Variants in CAGE1 observed in about 807,000 individuals in gnomAD.
CAGE1 encodes cancer antigen 1.
In CAGE1, 66 loss-of-function variants were observed where a neutral mutation model predicts 94.9. The observed-to-expected ratio is 0.70, with a 90% CI of 0.57 to 0.85. The LOEUF is 0.85. Ranked by LOEUF, CAGE1 falls within the 40% of genes least tolerant of loss-of-function variation. CAGE1 has a pLI of 0.00. For missense variants in CAGE1, 865 were observed against 950.4 expected (o/e 0.91, Z 1.18); for synonymous variants, 319 against 321.0 (o/e 0.99, Z 0.07).
At chr6:7,350,415 C>T (rs1217903641) in intron 11 of CAGE1, among the ~76,000 whole-genome samples, 1 of 152,132 alleles carries the variant, frequency 6.6e-6, no homozygotes, top group Non-Finnish European at 1.5e-5. Context: ...ATGGACTTAA[C>T]AGATATATAC....
intron 9 of CAGE1, among the ~76,000 whole-genome samples, chr6:7,364,074 G>A (rs1205384051): frequency 6.6e-6 from 1 of 152,124 alleles, no homozygotes; most frequent in African/African-American, 2.4e-5. Context: ...CCCACTGCTG[G>A]GAACACTACT....
At position 7,378,674 on chromosome 6, in the gene CAGE1, T is replaced by G. The variant is rs1760833986; in HGVS notation, c.630A>C (p.Lys210Asn). 1 of 1,612,516 alleles carries G rather than the reference T, an allele frequency of 6.2e-7. No individual in the cohort carries two copies. Among genetic ancestry groups the G allele is most frequent in the South Asian group, 1.1e-5 (1 of 90,516 alleles). ...MLKFTEKSLA[K>N]SIAKESALNP... ...TGAGGGCAGATTCCTTGGCAATACT[T>G]TTAGCCAGTGACTTTTCTGTAAATT... The change falls in exon 4 of 14, where the codon AAA becomes AAC. Residue 210 changes from lysine to asparagine, a missense_variant. Transcript: ENST00000502583.
At chr6:7,386,126 T>C (rs1761112722) in intron 2 of CAGE1, among the ~76,000 whole-genome samples, 1 of 152,214 alleles carries the variant, frequency 6.6e-6, no homozygotes, top group Admixed American at 6.5e-5. Context: ...AGTCAAATCA[T>C]GTGACTATAA....
intron 12 of CAGE1, chr6:7,331,417 T>G: frequency 1.6e-6 from 1 of 637,534 alleles, no homozygotes. Flanking sequence ...TAACCAATGA[T>G]AAGGCTACCA....
chr6:7,373,236 G>A lies in CAGE1; in HGVS notation c.1583C>T (p.Thr528Met), dbSNP rs544846885. The stretch of plus-strand genomic sequence containing the variant: ...TTGCTGCTGAAGTTTTATATTCTTC[G>A]TTCTTTCATTTTCAGACATAAATTG... ...NLQFMSENER[T>M]KNIKLQQQIN... The change falls in exon 5 of 14, where the codon ACG becomes ATG. Residue 528 changes from threonine (T) to methionine (M), a missense_variant. Thr to Met is a moderately conservative substitution (Grantham distance 81). Coordinates refer to ENST00000502583, the MANE Select transcript of CAGE1 (RefSeq NM_001170692.2). The A allele has an allele frequency of 3.6e-5, 58 of 1,607,082 alleles. No homozygotes were observed. The African/African-American group carries it at 4.5e-4, about 13-fold the overall frequency.
At position 7,326,677 on chromosome 6, in the gene CAGE1, T is replaced by C. The variant is rs1758553778; in HGVS notation, c.*181A>G. 1 of 603,196 alleles carries C rather than the reference T, an allele frequency of 1.7e-6. No individual in the cohort carries two copies. Among genetic ancestry groups the C allele is most frequent in the Non-Finnish European group, 3.0e-6 (1 of 338,384 alleles). 37.4% of individuals were successfully genotyped at this position (603,196 alleles called of 1,614,324 possible). A position where few individuals can be genotyped will look rare whatever the true frequency, so the allele number is the denominator to read the frequency against. ...TCTTCTGTTTATGTTAAATAGAATATATTTGATTATTCACAGGAAGAAATT... is the reference window on the plus strand; with the variant it reads ...TCTTCTGTTTATGTTAAATAGAATACATTTGATTATTCACAGGAAGAAATT... On this transcript the variant is annotated 3_prime_UTR_variant, in exon 14 of 14. Transcript: ENST00000502583.
chr6:7,347,402 G>T (rs758398763), intron 11 of CAGE1: 1 of 151,606 alleles, frequency 6.6e-6, no homozygotes, highest in East Asian at 2.0e-4. Flanking sequence ...AGAGCCAAGC[G>T]AAATACAGGG....
At chr6:7,345,952 A>G (rs1217479997) in intron 11 of CAGE1, among the ~76,000 whole-genome samples, 2 of 152,166 alleles carry the variant, frequency 1.3e-5, no homozygotes, top group Non-Finnish European at 2.9e-5. Context: ...AGTATAGCCT[A>G]TGAATGCATT....
intron 13 of CAGE1, chr6:7,329,174 C>A: frequency 2.5e-6 from 1 of 395,290 alleles, no homozygotes. Context: ...CTCAAGTGAT[C>A]CACCCGCCTC....
Position 7,339,380 on chromosome 6 carries a change from G to T in CAGE1, c.2370-5290C>A. On this transcript the variant is annotated intron_variant, in intron 11 of 13. Transcript: ENST00000502583. The surrounding 1 kb of genome is among the most constrained non-coding windows in gnomAD (Gnocchi z 4.7). Reference sequence around the variant, plus strand: ...CAGCAGTCAGTTCCCGAATCCGCCGGCCCTTCTCACCAAGAACATTCTGTG... The same window carrying T: ...CAGCAGTCAGTTCCCGAATCCGCCGTCCCTTCTCACCAAGAACATTCTGTG... 6.2e-7 allele frequency: 1 copy of T among 1,607,378 alleles called. No individual in the cohort carries two copies. The highest frequency in any genetic ancestry group is 8.5e-7 in the Non-Finnish European group (1 of 1,174,792).
chr6:7,345,389 G>C (rs1021201281), intron 11 of CAGE1, among the ~76,000 whole-genome samples: 5 of 152,150 alleles, frequency 3.3e-5, no homozygotes, highest in Admixed American at 6.5e-5. Context: ...ACAAACGCCA[G>C]ATGTGCCATC....
At chr6:7,344,620 G>A (rs923670110) in intron 11 of CAGE1, among the ~76,000 whole-genome samples, 1 of 152,256 alleles carries the variant, frequency 6.6e-6, no homozygotes, top group Non-Finnish European at 1.5e-5. Flanking sequence ...CCCGAGACTG[G>A]AAAGCAGCTC....
rs1385492810 is a variant in CAGE1 at position 7,328,904 on chromosome 6, GTGTGTGTGTGTGTGTATA to G, written c.2478+927_2478+944del. 5.4e-3 allele frequency among the ~76,000 whole-genome samples: 507 copies of G among 93,172 alleles called. 6 individuals are homozygous for G. Among genetic ancestry groups the G allele is most frequent in the African/African-American group, 0.016 (374 of 23,546 alleles). 61.1% of individuals were successfully genotyped at this position (93,172 alleles called of 152,430 possible). ...TGTGTGTGTGTGTGTGTGTGTGTGT[GTGTGTGTGTGTGTGTATA>G]TATATATATATATTTTTTTTTTTTT... On this transcript the variant is annotated intron_variant, in intron 13 of 13. Coordinates refer to ENST00000502583, the MANE Select transcript of CAGE1 (RefSeq NM_001170692.2).
intron 3 of CAGE1, among the ~76,000 whole-genome samples, chr6:7,383,939 G>A (rs1272913896): frequency 6.6e-6 from 1 of 152,054 alleles, no homozygotes; most frequent in East Asian, 1.9e-4. Flanking sequence ...TGTTGCTAGT[G>A]CATTGAATGC....
intron 11 of CAGE1, 46 bp from the exon 12 acceptor site, chr6:7,334,136 T>C (rs1397730796): frequency 1.3e-5 from 16 of 1,191,046 alleles, no homozygotes; most frequent in East Asian, 2.6e-5. Flanking sequence ...TGGACTTTTC[T>C]AGACCAATAT....
intron 4 of CAGE1, among the ~76,000 whole-genome samples, chr6:7,376,799 G>C (rs1760762858): frequency 6.6e-6 from 1 of 152,046 alleles, no homozygotes; most frequent in Non-Finnish European, 1.5e-5. Context: ...CTTCTGTATG[G>C]AAGGCTCTCC....
At chr6:7,385,669 G>T (rs939771033) in intron 3 of CAGE1, 116 bp downstream of exon 3, 4 of 474,324 alleles carry the variant, frequency 8.4e-6, no homozygotes, top group African/African-American at 2.0e-5. Context: ...TTTTTTTGTG[G>T]ATTAAGTGTG....
chr6:7,338,749 CT>C (rs145823069), intron 11 of CAGE1: 734 of 619,056 alleles, frequency 1.2e-3, no homozygotes, highest in South Asian at 1.4e-3. Context: ...CTGTATCATT[CT>C]TTTTTTTTTC....
Position 7,356,103 on chromosome 6 carries a change from C to T in CAGE1, c.2220G>A (p.Glu740=). 1 of 1,549,096 alleles carries T rather than the reference C, an allele frequency of 6.5e-7. No homozygotes were observed. Among genetic ancestry groups the T allele is most frequent in the African/African-American group, 1.4e-5 (1 of 73,086 alleles). ...FLITKLGHLL[E]SKENHCNRLI... is the part of the protein sequence containing the mutation. ...GTCTGTTGCAGTGGTTTTCTTTTGACTCTAGGAGATGTCCCAGTTTTGTGA... is the reference window on the plus strand; with the variant it reads ...GTCTGTTGCAGTGGTTTTCTTTTGATTCTAGGAGATGTCCCAGTTTTGTGA... The change falls in exon 10 of 14, where the codon GAG becomes GAA. Residue 740 remains glutamate (E), a synonymous_variant. Coordinates refer to ENST00000502583, the MANE Select transcript of CAGE1 (RefSeq NM_001170692.2).
Sources: gnomAD v4.1 joint callset for allele counts (sites outside exome capture counted in the v4.1 genomes callset) on GRCh38, gnomAD v4.1.1 for gene constraint, Gnocchi (gnomAD v3.1) non-coding constraint, MANE v1.5 for transcripts, NCBI Gene and HGNC (gene_info 2026-07-23, HGNC 2026-07-21) for gene names.